MLN: variants seen among roughly 807,000 people sequenced by gnomAD.
The protein encoded by MLN is motilin, also known as promotilin.
MLN carries 14 observed loss-of-function variants against 13.3 expected under a neutral mutation model. The ratio of observed to expected loss-of-function variants is 1.05; its 90% CI spans 0.69 to 1.64. The LOEUF is 1.64. Ranked by LOEUF, MLN falls within the 40% of genes most tolerant of loss-of-function variation. The pLI is 0.00. For missense variants in MLN, 122 were observed against 142.9 expected, an observed-to-expected ratio of 0.85 and a Z score of 0.75; for synonymous variants, 59 against 54.7, an observed-to-expected ratio of 1.08 and a Z score of -0.34.
In MLN at chr6:33,799,532, C is replaced by T. The variant is rs993540872; in HGVS notation, c.118-311G>A. 6.6e-6 allele frequency among the ~76,000 whole-genome samples: 1 copy of T among 152,160 alleles called. No homozygotes were observed. Among genetic ancestry groups the T allele is most frequent in the Non-Finnish European group, 1.5e-5 (1 of 68,042 alleles). On this transcript the variant is annotated intron_variant, in intron 2 of 4. Transcript: ENST00000430124. The surrounding 1 kb of genome is among the most constrained non-coding windows in gnomAD (Gnocchi z 4.6). ...TAACTTAAAAAGCTGAAAATAATGC[C>T]TGCCCTTCATGCATATTAAGTGTGA...
intron 4 of MLN, among the ~76,000 whole-genome samples, chr6:33,795,076 G>A (rs1473085024): frequency 6.6e-6 from 1 of 152,214 alleles, no homozygotes; most frequent in Non-Finnish European, 1.5e-5. Flanking sequence ...TGGGGACTAT[G>A]AGAAGTAATT....
chr6:33,798,571 C>T (rs1767975755), intron 3 of MLN, among the ~76,000 whole-genome samples: 1 of 152,222 alleles, frequency 6.6e-6, no homozygotes, highest in African/African-American at 2.4e-5. Flanking sequence ...ACTCATGCTG[C>T]CCCAGCTCTA....
intron 4 of MLN, 144 bp downstream of exon 4, chr6:33,795,359 G>T: frequency 1.4e-6 from 1 of 689,840 alleles, no homozygotes; most frequent in South Asian, 1.8e-5. Context: ...AGGTATCACA[G>T]CATAGCCCAG....
chr6:33,801,617 C>G (rs903411562), intron 1 of MLN, among the ~76,000 whole-genome samples: 2 of 152,208 alleles, frequency 1.3e-5, no homozygotes, highest in African/African-American at 4.8e-5. Flanking sequence ...AGGGGTGGAC[C>G]CAAGCCCAGA....
chr6:33,802,416 G>T (rs1224573670), intron 1 of MLN, among the ~76,000 whole-genome samples: 1 of 152,120 alleles, frequency 6.6e-6, no homozygotes, highest in Non-Finnish European at 1.5e-5. Context: ...GCAGGAGAGG[G>T]TCTGCCCTGG....
intron 3 of MLN, among the ~76,000 whole-genome samples, chr6:33,796,211 G>A (rs1561933298): frequency 6.6e-6 from 1 of 152,158 alleles, no homozygotes; most frequent in Non-Finnish European, 1.5e-5. Context: ...CTTTATGTAT[G>A]TTAACCTCTC....
In MLN at chr6:33,801,080, G is replaced by A; in HGVS notation, c.84C>T (p.Pro28=). Residue 28 remains proline (P), a synonymous_variant, in exon 2 of 5, where the codon CCC becomes CCT. Transcript: ENST00000430124. ...MLASQTEAFV[P]IFTYGELQRM... is the part of the protein sequence containing the mutation. ...TCTGGAGTTCGCCATAGGTGAAGATGGGGACGAAGGCTTCCGTCTGGGAGG... is the reference window on the plus strand; with the variant it reads ...TCTGGAGTTCGCCATAGGTGAAGATAGGGACGAAGGCTTCCGTCTGGGAGG... 1.2e-6 allele frequency: 2 copies of A among 1,614,096 alleles called. No individual in the cohort carries two copies. The highest frequency in any genetic ancestry group is 1.1e-5 in the South Asian group (1 of 91,080).
Position 33,795,405 on chromosome 6 carries a change from G to A in MLN, c.337+98C>T, listed in dbSNP as rs893157511. 3.2e-6 allele frequency: 3 copies of A among 944,482 alleles called. No individual in the cohort carries two copies. In the African/African-American group the frequency reaches 4.9e-5, roughly 15 times the overall value. The allele number at this position is 944,482 out of a possible 1,614,324, so 58.5% of individuals were successfully genotyped here. On this transcript the variant is annotated intron_variant, in intron 4 of 4. Coordinates refer to ENST00000430124, the MANE Select transcript of MLN (RefSeq NM_002418.3). ...GCTCCACATTCTCAAGTGCAAAGCA[G>A]CCAAACAAATTGCCACCCTGAAACC...
At chr6:33,796,367 G>C (rs1391537799) in intron 3 of MLN, among the ~76,000 whole-genome samples, 2 of 151,254 alleles carry the variant, frequency 1.3e-5, no homozygotes, top group Non-Finnish European at 2.9e-5. Context: ...CCTGGCTCCA[G>C]GGTCTGTGCC....
chr6:33,795,017 C>T (rs1767876438), intron 4 of MLN, among the ~76,000 whole-genome samples, 182 bp from the exon 5 acceptor site: 1 of 152,220 alleles, frequency 6.6e-6, no homozygotes, highest in East Asian at 1.9e-4. Context: ...ATTTAACCTC[C>T]CAGTTTCTCC....
intron 1 of MLN, among the ~76,000 whole-genome samples, chr6:33,802,064 T>G (rs1339597861): frequency 2.0e-5 from 3 of 146,840 alleles, no homozygotes; most frequent in South Asian, 2.2e-4. Context: ...GGTCCTGGGG[T>G]GGGGGTGGGA....
At chr6:33,798,523 C>T (rs779968975) in intron 3 of MLN, among the ~76,000 whole-genome samples, 7 of 152,190 alleles carry the variant, frequency 4.6e-5, no homozygotes, top group Non-Finnish European at 8.8e-5. Flanking sequence ...ACCTCTTTGC[C>T]GAAGACTGTA....
At position 33,795,159 on chromosome 6, in the gene MLN, A is replaced by G. The variant is rs1472837770; in HGVS notation, c.338-324T>C. On this transcript the variant is annotated intron_variant, in intron 4 of 4. Transcript: ENST00000430124. ...CAGACCTTGAACTGGGCAAGGCCAA[A>G]TGGGGCTCAGGACTTTAATCTGCAG... Among the ~76,000 whole-genome samples, 4 of 152,232 alleles carry G rather than the reference A, an allele frequency of 2.6e-5. No individual in the cohort carries two copies. The East Asian group carries it at 7.7e-4, about 29-fold the overall frequency.
intron 3 of MLN, among the ~76,000 whole-genome samples, chr6:33,795,959 CTTT>C (rs5875463): frequency 6.6e-5 from 8 of 121,754 alleles, no homozygotes; most frequent in Admixed American, 8.9e-5. Flanking sequence ...TTATTCTAAG[CTTT>C]TTTTTTTTTT....
chr6:33,798,992 T>A lies in MLN; in HGVS notation c.234+113A>T, dbSNP rs553446376. On this transcript the variant is annotated intron_variant, in intron 3 of 4. Coordinates refer to ENST00000430124, the MANE Select transcript of MLN (RefSeq NM_002418.3). ...TGCCTGGATGTCTTGCTCACTGCGATATCCTAGGACACTCTGAGGCTCACT... is the reference window on the plus strand; with the variant it reads ...TGCCTGGATGTCTTGCTCACTGCGAAATCCTAGGACACTCTGAGGCTCACT... 3 of 650,648 alleles carry A rather than the reference T, an allele frequency of 4.6e-6. No individual in the cohort carries two copies. In the East Asian group the frequency reaches 8.1e-5, roughly 18 times the overall value. 40.3% of individuals were successfully genotyped at this position (650,648 alleles called of 1,614,324 possible).
chr6:33,802,688 G>A, intron 1 of MLN, among the ~76,000 whole-genome samples: 1 of 152,102 alleles, frequency 6.6e-6, no homozygotes, highest in East Asian at 1.9e-4. Flanking sequence ...CCCCATCCCA[G>A]CTGTATGCAA....
rs1275075121 is a variant in MLN at position 33,803,255 on chromosome 6, TC to T, written c.-8+697del. 6.6e-6 allele frequency among the ~76,000 whole-genome samples: 1 copy of T among 151,434 alleles called. No individual in the cohort carries two copies. Among genetic ancestry groups the T allele is most frequent in the South Asian group, 2.1e-4 (1 of 4,798 alleles). Reference sequence around the variant, plus strand: ...CACCCCTGGCCGGGCTAGCCTTGCCTCCCCATGTGCTCTCCCTCGGGGTCAA... The same window carrying T: ...CACCCCTGGCCGGGCTAGCCTTGCCTCCCATGTGCTCTCCCTCGGGGTCAA... On this transcript the variant is annotated intron_variant, in intron 1 of 4. Coordinates refer to ENST00000430124, the MANE Select transcript of MLN (RefSeq NM_002418.3). This position sits in a 1 kb window ranked among gnomAD's most constrained non-coding sequence, Gnocchi z 4.5.
chr6:33,803,939 C>CA lies in MLN; in HGVS notation c.-8+13dup, dbSNP rs1200096079. The CA allele has an allele frequency of 6.6e-6, 1 of 152,384 alleles. No homozygotes were observed. The highest frequency in any genetic ancestry group is 1.9e-4 in the East Asian group (1 of 5,214). 9.4% of individuals were successfully genotyped at this position (152,384 alleles called of 1,614,324 possible). A position where few individuals can be genotyped will look rare whatever the true frequency, so the allele number is the denominator to read the frequency against. On this transcript the variant is annotated intron_variant, in intron 1 of 4. Transcript: ENST00000430124. The surrounding 1 kb of genome is among the most constrained non-coding windows in gnomAD (Gnocchi z 4.5). ...CTGACCACTCCCCACCCACTTTCTC[C>CA]AAGGGCTACTTACGGCGTGCACGTG...
chr6:33,795,426 A>G, intron 4 of MLN, 77 bp downstream of exon 4: 1 of 1,221,580 alleles, frequency 8.2e-7, no homozygotes, highest in Non-Finnish European at 1.2e-6. Context: ...TGCCACCCTG[A>G]AACCCTGCCT....
Sources: gnomAD v4.1 joint callset for allele counts (sites outside exome capture counted in the v4.1 genomes callset) on GRCh38, gnomAD v4.1.1 for gene constraint, Gnocchi (gnomAD v3.1) non-coding constraint, MANE v1.5 for transcripts, NCBI Gene and HGNC (gene_info 2026-07-23, HGNC 2026-07-21) for gene names.